Variants in CAPN14 observed in about 807,000 individuals in gnomAD.
CAPN14 encodes calpain 14, also known as calpain-14.
A neutral mutation model predicts 101.3 loss-of-function variants in CAPN14; 94 were observed. That is an observed-to-expected ratio of 0.93 (90% confidence interval 0.79 to 1.10). The LOEUF is 1.10. Among genes scored for constraint, CAPN14 ranks in the 50% least tolerant of loss-of-function variants. The pLI, the probability that CAPN14 is intolerant of heterozygous loss-of-function variation, is 0.00. For missense variants in CAPN14, 837 were observed against 828.4 expected, an observed-to-expected ratio of 1.01 and a Z score of -0.13; for synonymous variants, 338 against 317.9, an observed-to-expected ratio of 1.06 and a Z score of -0.67.
At chr2:31,215,589 T>C (rs1052310926) in intron 1 of CAPN14, among the ~76,000 whole-genome samples, 1 of 152,102 alleles carries the variant, frequency 6.6e-6, no homozygotes, top group Non-Finnish European at 1.5e-5. Context: ...TCAGGGCAAA[T>C]GTCCCTCCTC....
At chr2:31,204,094 A>G (rs1681946288) in intron 2 of CAPN14, among the ~76,000 whole-genome samples, 1 of 152,178 alleles carries the variant, frequency 6.6e-6, no homozygotes, top group Non-Finnish European at 1.5e-5. Context: ...GTGACTCAGG[A>G]AGCCTTGCCA....
chr2:31,219,619 C>G (rs577183219), upstream of CAPN14, among the ~76,000 whole-genome samples: 22 of 152,340 alleles, frequency 1.4e-4, no homozygotes, highest in South Asian at 4.3e-3. Context: ...AACCGGAGCA[C>G]TTGCTAGAGT....
intron 16 of CAPN14, among the ~76,000 whole-genome samples, chr2:31,185,585 T>C (rs773309557): frequency 6.6e-6 from 1 of 152,240 alleles, no homozygotes; most frequent in African/African-American, 2.4e-5. Context: ...CCTAGAATTC[T>C]TTTTCAGCCG....
upstream of CAPN14, among the ~76,000 whole-genome samples, chr2:31,218,873 C>T (rs2148704664): frequency 6.6e-6 from 1 of 152,328 alleles, no homozygotes; most frequent in South Asian, 2.1e-4. Flanking sequence ...GGAGCCTTCC[C>T]CCTGCCTCAT....
chr2:31,180,963 G>A lies in CAPN14; in HGVS notation c.1683C>T (p.Ala561=). ...CCAGTAAGGCCAGGATCCCCTGGCA[G>A]GCTTCCAGGCTAAAGAAGGGCTGTC... ...GSRQPFFSLE[A]CQGILALLDL... The change falls in exon 17 of 22, where the codon GCC becomes GCT. Residue 561 remains alanine, a synonymous_variant. Coordinates refer to ENST00000403897, the MANE Select transcript of CAPN14 (RefSeq NM_001145122.2). 1 of 1,551,798 alleles carries A rather than the reference G, an allele frequency of 6.4e-7. No homozygotes were observed. Among genetic ancestry groups the A allele is most frequent in the South Asian group, 1.2e-5 (1 of 84,052 alleles).
chr2:31,188,931 C>A (rs1278392289), intron 13 of CAPN14, among the ~76,000 whole-genome samples: 1 of 152,174 alleles, frequency 6.6e-6, no homozygotes, highest in Admixed American at 6.5e-5. Flanking sequence ...TCTTGTAACA[C>A]CCTGTGCATA....
At chr2:31,193,027 C>G (rs1681274814) in intron 10 of CAPN14, 104 bp downstream of exon 10, 3 of 1,161,302 alleles carry the variant, frequency 2.6e-6, no homozygotes, top group African/African-American at 3.0e-5. Context: ...GCCTCCTCCC[C>G]ACTCAGCCAA....
intron 1 of CAPN14, among the ~76,000 whole-genome samples, chr2:31,229,341 A>G (rs1051680511): frequency 1.3e-5 from 2 of 152,230 alleles, no homozygotes; most frequent in African/African-American, 4.8e-5. Context: ...TAAAGGAGCC[A>G]GGTGTAGTTT....
At chr2:31,188,489 C>T (rs140054942) in intron 13 of CAPN14, 135 bp from the exon 14 acceptor site, 14,549 of 724,804 alleles carry the variant, frequency 0.02, 243 homozygotes, top group South Asian at 0.04. Context: ...GCTCTCACAC[C>T]TCACCTCCTG....
chr2:31,212,474 C>T (rs1562020), intron 1 of CAPN14, among the ~76,000 whole-genome samples: 23,015 of 152,056 alleles, frequency 0.15, 2,096 homozygotes, highest in East Asian at 0.35. Context: ...GAACTACTGC[C>T]TTGATTTGGA....
rs1196163324 is a variant in CAPN14 at position 31,205,432 on chromosome 2, G to T, written c.16C>A (p.Pro6Thr). MSLWP[P>T]FRCRWKLAPR... ...GCCAGCTTCCATCTGCATCGGAAAG[G>T]TGGCCACAGAGACATGGCAGGTGGT... The change falls in exon 2 of 22, where the codon CCT (proline) becomes ACT (threonine). Residue 6 changes from proline to threonine, a missense_variant. Pro to Thr is a conservative substitution (Grantham distance 38). Transcript: ENST00000403897. 4 of 1,551,578 alleles carry T rather than the reference G, an allele frequency of 2.6e-6. No individual in the cohort carries two copies. Among genetic ancestry groups the T allele is most frequent in the Non-Finnish European group, 2.6e-6 (3 of 1,146,960 alleles).
At chr2:31,193,088 C>CACA in intron 10 of CAPN14, 43 bp downstream of exon 10, 1 of 1,518,880 alleles carries the variant, frequency 6.6e-7, no homozygotes, top group Non-Finnish European at 8.8e-7. Context: ...CACCCCCGCC[C>CACA]ACAACCTCAC....
Position 31,223,686 on chromosome 2 carries a change from G to A in CAPN14, c.-53+2842C>T, listed in dbSNP as rs190509537. On this transcript the variant is annotated intron_variant and NMD_transcript_variant, in intron 2 of 21. Coordinates refer to the CAPN14 transcript ENST00000398824. ...TGGGACTACAGACGCCCACCACGACGCGTGGCTAATTTTTTGTATTTTTAG... is the reference window on the plus strand; with the variant it reads ...TGGGACTACAGACGCCCACCACGACACGTGGCTAATTTTTTGTATTTTTAG... Among the ~76,000 whole-genome samples, 693 of 151,686 alleles carry A rather than the reference G, an allele frequency of 4.6e-3. 7 individuals are homozygous for A. The highest frequency in any genetic ancestry group is 0.015 in the African/African-American group (625 of 41,330).
chr2:31,189,283 G>A lies in CAPN14; in HGVS notation c.1483C>T (p.His495Tyr). ...ACCTTGTGTCCTTACTAAAAGATGT[G>A]CTTCCTGGAGAAGACCCTGAGGACG... ...EFVLRVFSRK[H>Y]IFYEIGSNSG... Residue 495 changes from histidine to tyrosine, a missense_variant, in exon 13 of 22, where the codon CAC becomes TAC. By Grantham distance (83) the His-to-Tyr change is moderately conservative. Transcript: ENST00000403897. The A allele has an allele frequency of 6.4e-7, 1 of 1,551,128 alleles. No individual in the cohort carries two copies.
intron 1 of CAPN14, among the ~76,000 whole-genome samples, chr2:31,232,617 C>G (rs574754768): frequency 1.1e-3 from 163 of 152,254 alleles, no homozygotes; most frequent in African/African-American, 3.7e-3. Flanking sequence ...TATGAGGAAC[C>G]AAGTGGGAAG....
chr2:31,221,920 C>T (rs970394103), upstream of CAPN14, among the ~76,000 whole-genome samples: 7 of 152,158 alleles, frequency 4.6e-5, no homozygotes, highest in Non-Finnish European at 1.0e-4. Context: ...TGTAGCAGCC[C>T]CAATTCCTGG....
chr2:31,230,802 T>G lies in CAPN14; in HGVS notation c.-177+2989A>C, dbSNP rs191433243. On this transcript the variant is annotated intron_variant and NMD_transcript_variant, in intron 1 of 21. Coordinates refer to the CAPN14 transcript ENST00000398824. This position sits in a 1 kb window ranked among gnomAD's most constrained non-coding sequence, Gnocchi z 4.3. Reference sequence around the variant, plus strand: ...TTTCACTCACTTTTGTATTTTTAGTTGAACGAAAGTTTTAAATTTTGCTAG... The same window carrying G: ...TTTCACTCACTTTTGTATTTTTAGTGGAACGAAAGTTTTAAATTTTGCTAG... 2.3e-4 allele frequency among the ~76,000 whole-genome samples: 35 copies of G among 152,364 alleles called. No individual in the cohort carries two copies. Among genetic ancestry groups the G allele is most frequent in the African/African-American group, 8.2e-4 (34 of 41,584 alleles).
At chr2:31,212,312 CA>C (rs72155600) in intron 1 of CAPN14, among the ~76,000 whole-genome samples, 54,602 of 110,508 alleles carry the variant, frequency 0.49, 10,414 homozygotes, top group East Asian at 0.61. Context: ...CGTCTCAAAA[CA>C]AAAAAAAAAA....
rs1288747143 is a variant in CAPN14 at position 31,174,063 on chromosome 2, T to A, written c.*618A>T. 1.3e-5 allele frequency: 2 copies of A among 152,910 alleles called. No homozygotes were observed. 9.5% of individuals were successfully genotyped at this position (152,910 alleles called of 1,614,324 possible). ...CCCCAGATCCAATCATACGGAGATATTGTCAGAAGAAGACTACCCCATGAC... is the reference window on the plus strand; with the variant it reads ...CCCCAGATCCAATCATACGGAGATAATGTCAGAAGAAGACTACCCCATGAC... On this transcript the variant is annotated 3_prime_UTR_variant, in exon 22 of 22. Transcript: ENST00000403897.
Sources: allele counts gnomAD v4.1 joint callset (sites outside exome capture counted in the v4.1 genomes callset), GRCh38; gene constraint gnomAD v4.1.1; non-coding constraint Gnocchi (gnomAD v3.1); transcripts MANE v1.5; gene names NCBI Gene and HGNC (gene_info 2026-07-23, HGNC 2026-07-21).